Variants in PDIA6 observed in about 807,000 individuals in gnomAD.
PDIA6 encodes the protein protein disulfide isomerase family A member 6.
PDIA6 carries 29 observed loss-of-function variants against 58.4 expected under a neutral mutation model. That is an observed-to-expected ratio of 0.50 (90% CI 0.37 to 0.68). The LOEUF (loss-of-function observed/expected upper bound fraction) is 0.68, where lower values mean the gene tolerates loss of function less well. PDIA6 is among the 30% of genes least tolerant of loss of function. The pLI is 0.00. For missense variants in PDIA6, 480 were observed against 551.0 expected (o/e 0.87, Z 1.29); for synonymous variants, 192 against 202.6 (o/e 0.95, Z 0.44).
At chr2:10,815,070 A>T (rs1299190567), upstream of PDIA6, among the ~76,000 whole-genome samples, 1 of 151,878 alleles carries the variant, frequency 6.6e-6, no homozygotes, top group Admixed American at 6.6e-5. Flanking sequence ...AGCCCACTGT[A>T]CAGGCACAGG....
At position 10,830,474 on chromosome 2, in the gene PDIA6, G is replaced by T. The variant is rs1476610667; in HGVS notation, c.-48+1728C>A. Among the ~76,000 whole-genome samples, 4 of 152,192 alleles carry T rather than the reference G, an allele frequency of 2.6e-5. No homozygotes were observed. The East Asian group carries it at 7.7e-4, about 29-fold the overall frequency. On this transcript the variant is annotated intron_variant, in intron 1 of 13. Transcript: ENST00000381611. ...TATGGGGCAGGAGTGCGTCTGCAGGGACATGGGGTGGCACCCAGAGCCTTT... is the reference window on the plus strand; with the variant it reads ...TATGGGGCAGGAGTGCGTCTGCAGGTACATGGGGTGGCACCCAGAGCCTTT...
At chr2:10,792,410 T>C (rs1302131902) in intron 5 of PDIA6, among the ~76,000 whole-genome samples, 1 of 152,230 alleles carries the variant, frequency 6.6e-6, no homozygotes, top group Non-Finnish European at 1.5e-5. Flanking sequence ...TGCTTTCTGT[T>C]GCCAGGCAGG....
chr2:10,819,446 T>A, intron 1 of PDIA6: 3 of 748,160 alleles, frequency 4.0e-6, no homozygotes. Flanking sequence ...CGTATTTACA[T>A]CTGTGAACCT....
rs752408003 is a variant in PDIA6, at chr2:10,784,375, T to C, written c.1255-49A>G. On this transcript the variant is annotated intron_variant, in intron 12 of 12. Coordinates refer to ENST00000272227, the MANE Select transcript of PDIA6 (RefSeq NM_005742.4). ...GTTAGATCTGCAGAAGGGGACACCC[T>C]GGAAGGTCAACATCTCATTTTATGG... 1.9e-5 allele frequency: 28 copies of C among 1,469,172 alleles called. No individual in the cohort carries two copies. The South Asian group carries it at 3.1e-4, about 16-fold the overall frequency. The allele number at this position is 1,469,172 out of a possible 1,614,324, so 91.0% of individuals were successfully genotyped here.
At position 10,797,151 on chromosome 2, in the gene PDIA6, C is replaced by G; in HGVS notation, c.276G>C (p.Gln92His). ...DADKHHSLGG[Q>H]YGVQGFPTIK... ...TGGTAGGAAATCCCTGAACACCATACTGACCTCCTAGGGAATGATGCTTAT... is the reference window on the plus strand; with the variant it reads ...TGGTAGGAAATCCCTGAACACCATAGTGACCTCCTAGGGAATGATGCTTAT... Residue 92 changes from glutamine to histidine, a missense_variant, in exon 4 of 13, where the codon CAG becomes CAC. Coordinates refer to ENST00000272227, the MANE Select transcript of PDIA6 (RefSeq NM_005742.4). The G allele has an allele frequency of 3.1e-6, 5 of 1,611,550 alleles. No homozygotes were observed. The highest frequency in any genetic ancestry group is 4.2e-6 in the Non-Finnish European group (5 of 1,177,726).
intron 10 of PDIA6, 130 bp downstream of exon 10, chr2:10,788,567 G>GA (rs1665886510): frequency 5.5e-5 from 33 of 597,902 alleles, no homozygotes; most frequent in African/African-American, 2.3e-5. Flanking sequence ...GAGGCAGGAG[G>GA]GAAAAAAAAA....
rs534068503 is a variant in PDIA6 at position 10,788,295 on chromosome 2, G to C, written c.998+402C>G. Among the ~76,000 whole-genome samples the C allele has an allele frequency of 1.8e-4, 27 of 152,218 alleles. 2 individuals are homozygous for C. In the South Asian group the frequency reaches 5.2e-3, roughly 29 times the overall value. ...GATTCCTATGAGAAAAATGCATGCT[G>C]TGCTGACAGCCCTTCATTCCTTCTT... On this transcript the variant is annotated intron_variant, in intron 10 of 12. Transcript: ENST00000272227.
upstream of PDIA6, among the ~76,000 whole-genome samples, chr2:10,815,900 A>G (rs1428432532): frequency 6.6e-6 from 1 of 152,064 alleles, no homozygotes; most frequent in Non-Finnish European, 1.5e-5. Context: ...ACAATGTTGT[A>G]GAACCATCCC....
chr2:10,798,573 CA>C (rs71392259), intron 2 of PDIA6, among the ~76,000 whole-genome samples: 38,350 of 132,984 alleles, frequency 0.29, 4,938 homozygotes, highest in East Asian at 0.4. Flanking sequence ...GTCCCCCACC[CA>C]AAAAAAAAAA....
rs190800892 is a variant in PDIA6 at position 10,809,804 on chromosome 2, G to A, written c.19+2874C>T. Among the ~76,000 whole-genome samples the A allele has an allele frequency of 1.0e-3, 156 of 152,184 alleles. 1 individual carries two copies. The highest frequency in any genetic ancestry group is 3.4e-3 in the African/African-American group (143 of 41,520). On this transcript the variant is annotated intron_variant, in intron 1 of 12. Coordinates refer to ENST00000272227, the MANE Select transcript of PDIA6 (RefSeq NM_005742.4). ...TTGTGAAATTTTCAAAAATGGAAAAGCAAAAGAGTAAGTTACAGATATTTT... is the reference window on the plus strand; with the variant it reads ...TTGTGAAATTTTCAAAAATGGAAAAACAAAAGAGTAAGTTACAGATATTTT...
chr2:10,798,973 C>T (rs1281258293), intron 2 of PDIA6, among the ~76,000 whole-genome samples: 4 of 152,054 alleles, frequency 2.6e-5, no homozygotes, highest in African/African-American at 9.7e-5. Flanking sequence ...AAAAGCATGA[C>T]GTGACACCAC....
intron 3 of PDIA6, among the ~76,000 whole-genome samples, chr2:10,797,435 G>A (rs1666316962): frequency 2.0e-5 from 3 of 152,210 alleles, no homozygotes; most frequent in African/African-American, 4.8e-5. Flanking sequence ...AATTGGCAGG[G>A]CTGAGAGTAA....
chr2:10,802,726 G>A (rs1558449411), intron 1 of PDIA6, 86 bp from the exon 2 acceptor site: 1 of 1,082,742 alleles, frequency 9.2e-7, no homozygotes. Flanking sequence ...CTCTTTAACT[G>A]ACCAGGGCCC....
At chr2:10,784,872 G>A in intron 12 of PDIA6, 62 bp downstream of exon 12, 3 of 1,222,040 alleles carry the variant, frequency 2.5e-6, no homozygotes, top group Non-Finnish European at 3.5e-6. Flanking sequence ...GTGCAGAGAT[G>A]CACAGGCTCA....
intron 1 of PDIA6, chr2:10,810,270 A>G: frequency 6.5e-7 from 1 of 1,533,020 alleles, no homozygotes; most frequent in East Asian, 2.4e-5. Context: ...GATAGACCCA[A>G]ATTTCTAACC....
chr2:10,786,058 C>T (rs1478297986), intron 11 of PDIA6, among the ~76,000 whole-genome samples: 1 of 152,140 alleles, frequency 6.6e-6, no homozygotes, highest in Non-Finnish European at 1.5e-5. Context: ...CGTGGTGGCT[C>T]ACACCTGTAA....
chr2:10,799,832 C>T (rs1034085613), intron 2 of PDIA6, among the ~76,000 whole-genome samples: 3 of 151,412 alleles, frequency 2.0e-5, no homozygotes, highest in African/African-American at 7.3e-5. Context: ...TACAGTCTAC[C>T]CAGGGGTTCT....
chr2:10,828,481 C>A (rs557208661), intron 1 of PDIA6, among the ~76,000 whole-genome samples: 4 of 152,316 alleles, frequency 2.6e-5, no homozygotes, highest in African/African-American at 9.6e-5. Context: ...CCCAGGCCCA[C>A]GACCCTGAGA....
At chr2:10,822,858 C>A (rs114642949) in intron 1 of PDIA6, among the ~76,000 whole-genome samples, 1 of 152,244 alleles carries the variant, frequency 6.6e-6, no homozygotes, top group Non-Finnish European at 1.5e-5. Flanking sequence ...TCTGAGGAGA[C>A]AAGCTGTGAG....
Sources: gnomAD v4.1 joint callset for allele counts (sites outside exome capture counted in the v4.1 genomes callset) on GRCh38, gnomAD v4.1.1 for gene constraint, MANE v1.5 for transcripts, NCBI Gene and HGNC (gene_info 2026-07-23, HGNC 2026-07-21) for gene names.